Variants in PDE11A observed in about 807,000 individuals in gnomAD.
PDE11A encodes the protein dual 3',5'-cyclic-AMP and -GMP phosphodiesterase 11A.
PDE11A carries 100 observed loss-of-function variants against 100.5 expected under a neutral mutation model. The observed-to-expected ratio is 1.00, with a 90% CI of 0.85 to 1.18. PDE11A has a LOEUF of 1.18. PDE11A is among the 50% of genes most tolerant of loss of function. PDE11A has a pLI of 0.00. For missense variants in PDE11A, 1,141 were observed against 1,152.6 expected (o/e 0.99, Z 0.15); for synonymous variants, 381 against 420.8 (o/e 0.91, Z 1.16).
intron 5 of PDE11A, among the ~76,000 whole-genome samples, chr2:177,865,642 T>A (rs1481501016): frequency 2.6e-5 from 4 of 152,060 alleles, no homozygotes; most frequent in Non-Finnish European, 5.9e-5. Flanking sequence ...ATATGATATA[T>A]CCAAACAATG....
chr2:177,876,279 G>GATGAGGCACAAGCCTTGGCTTCCCAAA lies in PDE11A; in HGVS notation c.1303-357_1303-356insTTTGGGAAGCCAAGGCTTGTGCCTCAT, dbSNP rs1231630039. On this transcript the variant is annotated intron_variant, in intron 4 of 19. Transcript: ENST00000286063. Reference sequence around the variant, plus strand: ...CCAATCAACAGCAATAAGAGACCCAGGTAGGGACAGAACACCCCTCAAAGA... The same window carrying GATGAGGCACAAGCCTTGGCTTCCCAAA: ...CCAATCAACAGCAATAAGAGACCCAGATGAGGCACAAGCCTTGGCTTCCCAAAGTAGGGACAGAACACCCCTCAAAGA... 2.7e-3 allele frequency among the ~76,000 whole-genome samples: 409 copies of GATGAGGCACAAGCCTTGGCTTCCCAAA among 150,624 alleles called. 8 individuals are homozygous for GATGAGGCACAAGCCTTGGCTTCCCAAA. Among genetic ancestry groups the GATGAGGCACAAGCCTTGGCTTCCCAAA allele is most frequent in the Non-Finnish European group, 4.4e-3 (295 of 67,672 alleles).
At chr2:177,797,981 A>G (rs2082728862) in intron 9 of PDE11A, among the ~76,000 whole-genome samples, 1 of 152,190 alleles carries the variant, frequency 6.6e-6, no homozygotes, top group South Asian at 2.1e-4. Context: ...TCCTTCATGT[A>G]ACACAAGCAT....
intron 13 of PDE11A, among the ~76,000 whole-genome samples, chr2:177,703,760 G>GT (rs939159452): frequency 6.6e-6 from 1 of 152,148 alleles, no homozygotes; most frequent in Non-Finnish European, 1.5e-5. Flanking sequence ...AATAAGGAAT[G>GT]TTTTCTCCTT....
intron 1 of PDE11A, chr2:178,018,390 C>CACGCTTGACTTTAACA: frequency 2.8e-5 from 2 of 71,274 alleles, no homozygotes; most frequent in Non-Finnish European, 5.5e-5. Flanking sequence ...TGACTTTAAC[C>CACGCTTGACTTTAACA]TTTGCCGGGC....
At chr2:177,834,554 T>C (rs1574193464) in intron 6 of PDE11A, among the ~76,000 whole-genome samples, 2 of 152,318 alleles carry the variant, frequency 1.3e-5, no homozygotes, top group Admixed American at 1.3e-4. Context: ...ACTCCCCTCC[T>C]GTCTGGGGCA....
intron 6 of PDE11A, among the ~76,000 whole-genome samples, chr2:177,834,449 T>A (rs2083358578): frequency 6.6e-6 from 1 of 152,174 alleles, no homozygotes; most frequent in Admixed American, 6.5e-5. Flanking sequence ...TTGGCACCTA[T>A]CTTTTCTTTT....
At chr2:177,751,243 C>T (rs1332443351) in intron 10 of PDE11A, among the ~76,000 whole-genome samples, 1 of 152,110 alleles carries the variant, frequency 6.6e-6, no homozygotes, top group African/African-American at 2.4e-5. Context: ...GTGGATTTGC[C>T]TGTTCATGGA....
chr2:177,639,016 C>T (rs2080097360), intron 19 of PDE11A, among the ~76,000 whole-genome samples: 1 of 152,178 alleles, frequency 6.6e-6, no homozygotes, highest in South Asian at 2.1e-4. Context: ...CTTACTCTTC[C>T]CTGGGAACTG....
At chr2:178,037,567 C>T (rs139667586) in intron 1 of PDE11A, among the ~76,000 whole-genome samples, 141 of 152,228 alleles carry the variant, frequency 9.3e-4, no homozygotes, top group African/African-American at 3.3e-3. Context: ...AAGACCCATG[C>T]GTACATGTGT....
chr2:177,641,096 C>T lies in PDE11A; in HGVS notation c.2647-11534G>A, dbSNP rs1450602238. 2.6e-5 allele frequency among the ~76,000 whole-genome samples: 4 copies of T among 152,194 alleles called. No individual in the cohort carries two copies. In the East Asian group the frequency reaches 7.7e-4, roughly 29 times the overall value. ...CAATCGGTACTCCATATGGAAGCCA[C>T]CATGGAGCAGTCAATCAGAAACAGA... On this transcript the variant is annotated intron_variant, in intron 19 of 19. Transcript: ENST00000286063.
intron 2 of PDE11A, among the ~76,000 whole-genome samples, chr2:177,996,223 G>A (rs925545154): frequency 9.4e-5 from 8 of 84,914 alleles, no homozygotes; most frequent in South Asian, 6.1e-4. Flanking sequence ...GTGAAACTCC[G>A]TCTCAAATAA....
intron 4 of PDE11A, among the ~76,000 whole-genome samples, chr2:177,884,616 G>C (rs1030755677): frequency 6.6e-6 from 1 of 152,192 alleles, no homozygotes; most frequent in African/African-American, 2.4e-5. Context: ...AAGCAGAAGT[G>C]ATGGGCCTTG....
chr2:178,035,754 T>C (rs2086605740), intron 1 of PDE11A, among the ~76,000 whole-genome samples: 1 of 152,138 alleles, frequency 6.6e-6, no homozygotes. Context: ...ATCCATCACA[T>C]AAACAGAACC....
chr2:177,839,495 A>C (rs1293836298), intron 6 of PDE11A, among the ~76,000 whole-genome samples: 1 of 152,154 alleles, frequency 6.6e-6, no homozygotes, highest in Non-Finnish European at 1.5e-5. Flanking sequence ...CATGCCTTTC[A>C]AAGTTTTTTG....
Position 177,697,325 on chromosome 2 carries a change from T to C in PDE11A, c.2345+7A>G. On this transcript the variant is annotated splice_region_variant and intron_variant, in intron 15 of 19. Transcript: ENST00000286063. ...ATTTGTCAAACAGATCAAATGCCAA[T>C]ACCTACTCAAAGTACAGCGTGAGGT... The C allele has an allele frequency of 2.2e-6, 3 of 1,391,504 alleles. No homozygotes were observed. In the African/African-American group the frequency reaches 4.3e-5, roughly 20 times the overall value. The allele number at this position is 1,391,504 out of a possible 1,614,324, so 86.2% of individuals were successfully genotyped here.
At chr2:177,751,669 C>T (rs2082028727) in intron 10 of PDE11A, among the ~76,000 whole-genome samples, 1 of 152,046 alleles carries the variant, frequency 6.6e-6, no homozygotes, top group South Asian at 2.1e-4. Context: ...ACCCATTTCT[C>T]CTCCCCTTTA....
At chr2:177,948,675 A>G (rs12693146) in intron 2 of PDE11A, among the ~76,000 whole-genome samples, 9,556 of 152,306 alleles carry the variant, frequency 0.063, 315 homozygotes, top group South Asian at 0.094. Flanking sequence ...AGGCTGAAGC[A>G]GGAGGATTGC....
At chr2:177,945,627 C>T (rs1365340280) in intron 2 of PDE11A, among the ~76,000 whole-genome samples, 1 of 150,970 alleles carries the variant, frequency 6.6e-6, no homozygotes, top group African/African-American at 2.4e-5. Flanking sequence ...GCCCGGCAGC[C>T]GCCCCGTCTG....
At chr2:177,945,572 C>T (rs1217074778) in intron 2 of PDE11A, among the ~76,000 whole-genome samples, 6 of 150,370 alleles carry the variant, frequency 4.0e-5, no homozygotes, top group African/African-American at 1.5e-4. Context: ...GTGAGGAGAC[C>T]CTCTGCCTGG....
Sources: gnomAD v4.1 joint callset for allele counts (sites outside exome capture counted in the v4.1 genomes callset) on GRCh38, gnomAD v4.1.1 for gene constraint, MANE v1.5 for transcripts, NCBI Gene and HGNC (gene_info 2026-07-23, HGNC 2026-07-21) for gene names.